The following CDH8 variants were observed in gnomAD, a reference collection of about 807,000 sequenced individuals.
The protein encoded by CDH8 is cadherin 8, also known as cadherin-8.
CDH8 carries 17 observed loss-of-function variants against 68.1 expected under a neutral mutation model. The observed-to-expected ratio is 0.25, with a 90% CI of 0.17 to 0.37. The LOEUF (loss-of-function observed/expected upper bound fraction) is 0.37. Among genes scored for constraint, CDH8 ranks in the 10% least tolerant of loss-of-function variants. The pLI is 1.00. For synonymous variants in CDH8, 372 were observed against 365.1 expected (o/e 1.02, Z -0.21); for missense variants, 763 against 999.3 (o/e 0.76, Z 3.19).
intron 10 of CDH8, among the ~76,000 whole-genome samples, chr16:61,712,807 C>T (rs547595112): frequency 2.0e-5 from 3 of 151,734 alleles, no homozygotes; most frequent in South Asian, 4.1e-4. Flanking sequence ...AGCGTCCCCA[C>T]AGAACTATGT....
At chr16:61,768,300 CTGTGTCTCTCCCTT>C (rs1960646379) in intron 8 of CDH8, among the ~76,000 whole-genome samples, 3 of 147,410 alleles carry the variant, frequency 2.0e-5, no homozygotes, top group Non-Finnish European at 4.5e-5. Context: ...GGCTCTCTCT[CTGTGTCTCTCCCTT>C]TCTCTCTCTC....
intron 3 of CDH8, among the ~76,000 whole-genome samples, chr16:61,879,711 T>C (rs1037316138): frequency 6.6e-6 from 1 of 152,142 alleles, no homozygotes; most frequent in East Asian, 1.9e-4. Context: ...TCTACCCTCC[T>C]TTCATCTACT....
At chr16:61,959,391 T>G (rs769378513) in intron 2 of CDH8, among the ~76,000 whole-genome samples, 1 of 152,148 alleles carries the variant, frequency 6.6e-6, no homozygotes. Context: ...CCCATAGAAC[T>G]TCACTTTTGA....
intron 2 of CDH8, among the ~76,000 whole-genome samples, chr16:61,994,433 A>G (rs1965777329): frequency 6.6e-6 from 1 of 152,116 alleles, no homozygotes; most frequent in Admixed American, 6.5e-5. Context: ...ATTTCCTTAG[A>G]CATGAGGAAT....
intron 2 of CDH8, among the ~76,000 whole-genome samples, chr16:61,933,270 T>C (rs1448545961): frequency 2.0e-5 from 3 of 152,164 alleles, no homozygotes; most frequent in African/African-American, 4.8e-5. Flanking sequence ...AAGTCCAGTA[T>C]GGTCAGGCAA....
At chr16:61,738,529 C>T (rs544544701) in intron 8 of CDH8, among the ~76,000 whole-genome samples, 1 of 152,186 alleles carries the variant, frequency 6.6e-6, no homozygotes, top group Non-Finnish European at 1.5e-5. Flanking sequence ...GGAGAGAGAC[C>T]TGACTTTATC....
intron 4 of CDH8, among the ~76,000 whole-genome samples, chr16:61,855,817 C>T (rs529234451): frequency 2.6e-5 from 4 of 152,152 alleles, no homozygotes; most frequent in African/African-American, 9.6e-5. Context: ...TAACTTTGGC[C>T]AAGTTATAGG....
chr16:61,771,488 A>C (rs1025108673), intron 8 of CDH8, among the ~76,000 whole-genome samples: 14 of 151,532 alleles, frequency 9.2e-5, no homozygotes, highest in Non-Finnish European at 1.3e-4. Flanking sequence ...AAAAAAAAAA[A>C]AAAAACTTTT....
intron 8 of CDH8, among the ~76,000 whole-genome samples, chr16:61,768,311 C>CTCTCTCTCTCTCT (rs1567461041): frequency 1.8e-3 from 29 of 16,382 alleles, no homozygotes; most frequent in Admixed American, 3.0e-3. Flanking sequence ...TGTGTCTCTC[C>CTCTCTCTCTCTCT]CTTTCTCTCT....
At chr16:61,659,334 C>T (rs1420904780) in intron 10 of CDH8, among the ~76,000 whole-genome samples, 1 of 152,182 alleles carries the variant, frequency 6.6e-6, no homozygotes, top group Non-Finnish European at 1.5e-5. Context: ...CCCATCCTTC[C>T]TTGTCTCAGC....
intron 4 of CDH8, among the ~76,000 whole-genome samples, chr16:61,849,197 T>C (rs1480947756): frequency 6.6e-6 from 1 of 152,036 alleles, no homozygotes; most frequent in Non-Finnish European, 1.5e-5. Context: ...TATGATATTA[T>C]TCTCCTTCTC....
At chr16:61,803,970 A>C (rs1335786631) in intron 7 of CDH8, among the ~76,000 whole-genome samples, 3 of 130,734 alleles carry the variant, frequency 2.3e-5, no homozygotes, top group East Asian at 4.1e-4. Context: ...AAGCGGACCT[A>C]ATAGACATCT....
intron 2 of CDH8, among the ~76,000 whole-genome samples, chr16:61,940,887 T>C (rs1208647378): frequency 2.0e-5 from 3 of 152,198 alleles, no homozygotes; most frequent in African/African-American, 7.2e-5. Context: ...GACTCAACTT[T>C]TAAGATGTCT....
At chr16:61,847,880 TAC>T (rs79432523) in intron 4 of CDH8, among the ~76,000 whole-genome samples, 3,144 of 147,600 alleles carry the variant, frequency 0.021, 36 homozygotes, top group African/African-American at 0.031. Flanking sequence ...CCAACTATCC[TAC>T]ACACACACAC....
At chr16:61,661,982 T>C (rs1963567498) in intron 10 of CDH8, among the ~76,000 whole-genome samples, 1 of 151,584 alleles carries the variant, frequency 6.6e-6, no homozygotes. Flanking sequence ...GAAAAAGCCT[T>C]TTGACTTTCA....
chr16:61,975,318 A>T (rs571687169), intron 2 of CDH8, among the ~76,000 whole-genome samples: 1 of 152,338 alleles, frequency 6.6e-6, no homozygotes, highest in East Asian at 1.9e-4. Flanking sequence ...GGATTTTGAC[A>T]TTGGAAATCC....
intron 2 of CDH8, among the ~76,000 whole-genome samples, chr16:61,912,673 T>C (rs1265202873): frequency 7.2e-5 from 11 of 152,134 alleles, no homozygotes; most frequent in African/African-American, 2.7e-4. Context: ...CTGGGTTGAA[T>C]TACAGTGACC....
intron 7 of CDH8, among the ~76,000 whole-genome samples, chr16:61,797,114 A>G (rs1961518286): frequency 6.6e-6 from 1 of 152,010 alleles, no homozygotes; most frequent in Admixed American, 6.6e-5. Flanking sequence ...GACTTACATT[A>G]GATTTTTTGT....
chr16:61,754,446 A>G (rs1960257389), intron 8 of CDH8, among the ~76,000 whole-genome samples: 1 of 152,136 alleles, frequency 6.6e-6, no homozygotes, highest in African/African-American at 2.4e-5. Context: ...TGATTGCATG[A>G]ACTGATGAGT....
Sources: gnomAD v4.1 joint callset for allele counts (sites outside exome capture counted in the v4.1 genomes callset) on GRCh38, gnomAD v4.1.1 for gene constraint, MANE v1.5 for transcripts, NCBI Gene and HGNC (gene_info 2026-07-23, HGNC 2026-07-21) for gene names.